RARB: variants seen among roughly 807,000 people sequenced by gnomAD.
RARB encodes the protein retinoic acid receptor beta, also known as HBV-activated protein.
A neutral mutation model predicts 51.9 loss-of-function variants in RARB; 17 were observed. That is an observed-to-expected ratio of 0.33 (90% confidence interval 0.22 to 0.49). The LOEUF is 0.49. RARB is among the 20% of genes least tolerant of loss of function. RARB has a pLI of 0.99. For synonymous variants in RARB, 215 were observed against 195.4 expected (o/e 1.10, Z -0.84); for missense variants, 369 against 550.8 (o/e 0.67, Z 3.30).
intron 2 of RARB, among the ~76,000 whole-genome samples, chr3:25,017,525 G>A (rs1310417167): frequency 6.6e-6 from 1 of 152,120 alleles, no homozygotes. Context: ...TATGTTCTAA[G>A]GAAGCAGTAC....
chr3:25,350,534 CT>C (rs931865637), intron 5 of RARB, among the ~76,000 whole-genome samples: 8 of 152,144 alleles, frequency 5.3e-5, no homozygotes, highest in African/African-American at 1.7e-4. Flanking sequence ...ATCCTGCCTC[CT>C]TTTTTCTTCA....
chr3:24,961,017 C>G (rs1187992515), intron 2 of RARB, among the ~76,000 whole-genome samples: 1 of 152,108 alleles, frequency 6.6e-6, no homozygotes, highest in Non-Finnish European at 1.5e-5. Flanking sequence ...AGTCTATTTT[C>G]TTATTTGTCA....
intron 1 of RARB, among the ~76,000 whole-genome samples, chr3:24,829,603 G>A (rs1307891285): frequency 6.6e-6 from 1 of 152,202 alleles, no homozygotes; most frequent in Non-Finnish European, 1.5e-5. Flanking sequence ...GCGGGAGCCC[G>A]CGACCGATCC....
At chr3:25,204,955 C>G (rs889732631) in intron 5 of RARB, among the ~76,000 whole-genome samples, 4 of 152,172 alleles carry the variant, frequency 2.6e-5, no homozygotes, top group Non-Finnish European at 4.4e-5. Flanking sequence ...TCAAAGCTGT[C>G]AGACAGGGAC....
chr3:25,273,981 A>T (rs1368718920), intron 5 of RARB, among the ~76,000 whole-genome samples: 3 of 152,126 alleles, frequency 2.0e-5, no homozygotes, highest in African/African-American at 7.2e-5. Context: ...CTATTGCTGC[A>T]TGCGGCAGCC....
At chr3:25,225,560 A>G (rs1160611713) in intron 5 of RARB, among the ~76,000 whole-genome samples, 1 of 152,206 alleles carries the variant, frequency 6.6e-6, no homozygotes, top group Non-Finnish European at 1.5e-5. Context: ...AATAATTAAT[A>G]TACCATAATA....
At chr3:25,021,607 A>T (rs1031789331) in intron 2 of RARB, among the ~76,000 whole-genome samples, 3 of 152,164 alleles carry the variant, frequency 2.0e-5, no homozygotes, top group African/African-American at 7.2e-5. Flanking sequence ...AGGAAAAATA[A>T]ACAATTCATC....
chr3:25,497,776 C>G (rs1697116324), intron 2 of RARB, among the ~76,000 whole-genome samples: 1 of 152,214 alleles, frequency 6.6e-6, no homozygotes, highest in Non-Finnish European at 1.5e-5. Flanking sequence ...TCTGTACACG[C>G]TCAACTTTTG....
chr3:25,083,707 G>C (rs1699053569), intron 3 of RARB, among the ~76,000 whole-genome samples: 1 of 151,980 alleles, frequency 6.6e-6, no homozygotes, highest in South Asian at 2.1e-4. Flanking sequence ...GTGTGTGCTA[G>C]GCATAGTAAA....
intron 3 of RARB, among the ~76,000 whole-genome samples, chr3:25,068,302 C>A (rs1698704233): frequency 6.6e-6 from 1 of 151,336 alleles, no homozygotes; most frequent in Non-Finnish European, 1.5e-5. Context: ...TTGCTCTTTT[C>A]TAAGAGTTGA....
chr3:24,888,555 A>C (rs1223834190), intron 2 of RARB, among the ~76,000 whole-genome samples: 1 of 152,138 alleles, frequency 6.6e-6, no homozygotes, highest in Non-Finnish European at 1.5e-5. Flanking sequence ...AAATGCTAGT[A>C]ATGTGATATT....
chr3:24,956,968 G>A (rs890091946), intron 2 of RARB, among the ~76,000 whole-genome samples: 1 of 152,188 alleles, frequency 6.6e-6, no homozygotes, highest in African/African-American at 2.4e-5. Flanking sequence ...ACGGAGTCGA[G>A]ATGCTATTTT....
At chr3:24,901,864 G>C (rs957538024) in intron 2 of RARB, among the ~76,000 whole-genome samples, 1 of 151,994 alleles carries the variant, frequency 6.6e-6, no homozygotes, top group African/African-American at 2.4e-5. Context: ...TACTATACCA[G>C]GTGCTAAGCA....
intron 2 of RARB, among the ~76,000 whole-genome samples, chr3:25,010,506 T>G (rs559558902): frequency 4.1e-4 from 62 of 152,246 alleles, no homozygotes; most frequent in African/African-American, 1.4e-3. Context: ...CTTAAATCTG[T>G]GTTTGCTACT....
intron 1 of RARB, among the ~76,000 whole-genome samples, chr3:24,858,064 C>A (rs1376491131): frequency 6.6e-6 from 1 of 152,104 alleles, no homozygotes; most frequent in Admixed American, 6.5e-5. Context: ...GAATAAAAGA[C>A]AATTTAGAAC....
chr3:25,284,914 A>T (rs1347631236), intron 5 of RARB, among the ~76,000 whole-genome samples: 1 of 152,202 alleles, frequency 6.6e-6, no homozygotes, highest in African/African-American at 2.4e-5. Context: ...TATATGTGAG[A>T]GTCCTGGAAG....
chr3:25,449,182 G>T (rs2125539577), intron 1 of RARB, among the ~76,000 whole-genome samples: 1 of 152,198 alleles, frequency 6.6e-6, no homozygotes, highest in South Asian at 2.1e-4. Flanking sequence ...GCTCCTGACA[G>T]TGTTCAGCCA....
At chr3:25,422,178 G>C (rs549066838) in intron 5 of RARB, among the ~76,000 whole-genome samples, 2 of 152,146 alleles carry the variant, frequency 1.3e-5, no homozygotes, top group Admixed American at 6.5e-5. Flanking sequence ...TGCTGAACTA[G>C]GAATTAAGGC....
At chr3:24,923,198 A>T (rs1441238860) in intron 2 of RARB, among the ~76,000 whole-genome samples, 8 of 152,194 alleles carry the variant, frequency 5.3e-5, no homozygotes. Context: ...GGTGCTTCAT[A>T]AATATATAGT....
Sources: allele counts gnomAD v4.1 joint callset (sites outside exome capture counted in the v4.1 genomes callset), GRCh38; gene constraint gnomAD v4.1.1; transcripts MANE v1.5; gene names NCBI Gene and HGNC (gene_info 2026-07-23, HGNC 2026-07-21).